Variants in SYT14 observed in about 807,000 individuals in gnomAD.
The protein encoded by SYT14 is synaptotagmin 14.
In SYT14, 32 loss-of-function variants were observed where a neutral mutation model predicts 74.2. That is an observed-to-expected ratio of 0.43 (90% CI 0.33 to 0.58). The LOEUF (loss-of-function observed/expected upper bound fraction) is 0.58, where lower values mean the gene tolerates loss of function less well. Among genes scored for constraint, SYT14 ranks in the 20% least tolerant of loss-of-function variants. The probability of loss-of-function intolerance (pLI) is 0.05; values close to 1 mark genes in which losing one functional copy is unlikely to be tolerated. For synonymous variants in SYT14, 298 were observed against 337.7 expected (o/e 0.88, Z 1.29); for missense variants, 791 against 981.8 (o/e 0.81, Z 2.60).
At chr1:209,987,768 C>G (rs1466128892) in intron 2 of SYT14, among the ~76,000 whole-genome samples, 1 of 152,162 alleles carries the variant, frequency 6.6e-6, no homozygotes, top group Non-Finnish European at 1.5e-5. Flanking sequence ...GGCTTTTATT[C>G]TTTCAATACT....
chr1:210,154,722 T>C (rs762810680), intron 7 of SYT14, among the ~76,000 whole-genome samples: 5 of 152,288 alleles, frequency 3.3e-5, no homozygotes, highest in Non-Finnish European at 7.4e-5. Context: ...CCAAAAAATA[T>C]AGATATTTTA....
chr1:209,995,360 G>A (rs1171650652), intron 2 of SYT14, among the ~76,000 whole-genome samples: 1 of 152,062 alleles, frequency 6.6e-6, no homozygotes, highest in Non-Finnish European at 1.5e-5. Flanking sequence ...TAAAACATAT[G>A]TTAAGCCAAT....
intron 4 of SYT14, among the ~76,000 whole-genome samples, chr1:210,019,931 T>TA (rs896571950): frequency 5.9e-5 from 9 of 152,210 alleles, no homozygotes; most frequent in African/African-American, 1.9e-4. Context: ...ATAAAAAATT[T>TA]AGACCTCCTG....
intron 2 of SYT14, among the ~76,000 whole-genome samples, chr1:209,983,611 G>A (rs1486440644): frequency 1.3e-5 from 2 of 152,224 alleles, no homozygotes; most frequent in East Asian, 1.9e-4. Flanking sequence ...TTCTTTGTGT[G>A]TGTGTGTGTT....
chr1:210,081,921 A>T (rs1208981414), intron 5 of SYT14, among the ~76,000 whole-genome samples: 1 of 152,212 alleles, frequency 6.6e-6, no homozygotes, highest in African/African-American at 2.4e-5. Context: ...AATATGATTA[A>T]GCATAGGAAT....
At chr1:210,152,140 C>G (rs1158978135) in intron 7 of SYT14, among the ~76,000 whole-genome samples, 1 of 152,112 alleles carries the variant, frequency 6.6e-6, no homozygotes, top group South Asian at 2.1e-4. Context: ...ATTGTTTTCT[C>G]CAACTGTCAT....
At chr1:209,979,813 C>T (rs910740923) in intron 2 of SYT14, among the ~76,000 whole-genome samples, 6 of 152,190 alleles carry the variant, frequency 3.9e-5, no homozygotes, top group Admixed American at 1.3e-4. Context: ...CATGGTATTC[C>T]GTGGTGTATA....
chr1:210,071,701 G>T (rs1204609583), intron 5 of SYT14, among the ~76,000 whole-genome samples: 4 of 151,986 alleles, frequency 2.6e-5, no homozygotes, highest in Non-Finnish European at 5.9e-5. Flanking sequence ...AGTGAAGAAA[G>T]ATTTGGTTGC....
chr1:210,065,710 A>G (rs1457515446), intron 5 of SYT14, among the ~76,000 whole-genome samples: 1 of 151,996 alleles, frequency 6.6e-6, no homozygotes, highest in Non-Finnish European at 1.5e-5. Context: ...GTAAATATAC[A>G]TTTGAAATAC....
chr1:209,975,466 A>C (rs2079343431), intron 2 of SYT14, among the ~76,000 whole-genome samples: 1 of 152,186 alleles, frequency 6.6e-6, no homozygotes, highest in Non-Finnish European at 1.5e-5. Flanking sequence ...TGAGATAATC[A>C]TGTGGTTTTT....
At chr1:210,033,362 A>G (rs1251454478) in intron 5 of SYT14, among the ~76,000 whole-genome samples, 7 of 151,764 alleles carry the variant, frequency 4.6e-5, no homozygotes, top group Admixed American at 4.6e-4. Flanking sequence ...TTTTGGGTGA[A>G]ATGGAATTGA....
At chr1:210,001,387 T>G (rs1261522999) in intron 2 of SYT14, among the ~76,000 whole-genome samples, 5 of 152,164 alleles carry the variant, frequency 3.3e-5, no homozygotes, top group Non-Finnish European at 7.4e-5. Context: ...GTTACATTAT[T>G]TTTACATAGT....
chr1:210,043,218 A>G (rs377124943), intron 5 of SYT14, among the ~76,000 whole-genome samples: 4 of 152,188 alleles, frequency 2.6e-5, no homozygotes, highest in African/African-American at 7.2e-5. Flanking sequence ...ATTTGATCCA[A>G]TACAAAGCAT....
At chr1:210,161,998 T>A (rs1387443811) in exon 10 of SYT14, 5 of 453,712 alleles carry the variant, frequency 1.1e-5, no homozygotes, top group Admixed American at 2.4e-5. Flanking sequence ...CTGCTCTGAG[T>A]ATTTAGTAAC....
intron 2 of SYT14, among the ~76,000 whole-genome samples, chr1:209,993,666 G>T (rs1270857905): frequency 6.6e-6 from 1 of 152,110 alleles, no homozygotes; most frequent in African/African-American, 2.4e-5. Flanking sequence ...CTGGCAGCCC[G>T]GAACACCTAA....
chr1:210,046,059 A>C (rs2080878173), intron 5 of SYT14, among the ~76,000 whole-genome samples: 1 of 152,096 alleles, frequency 6.6e-6, no homozygotes, highest in Non-Finnish European at 1.5e-5. Flanking sequence ...TGCTTTATGG[A>C]GTTATGTTTT....
At chr1:209,938,239 T>C in exon 1 of SYT14, 2 of 1,541,710 alleles carry the variant, frequency 1.3e-6, no homozygotes, top group African/African-American at 1.4e-5. Context: ...CGCCATCCAG[T>C]TGGTGCGGTC....
intron 6 of SYT14, among the ~76,000 whole-genome samples, chr1:210,095,351 C>T (rs775725248): frequency 6.6e-6 from 1 of 152,174 alleles, no homozygotes; most frequent in Non-Finnish European, 1.5e-5. Flanking sequence ...TCACAGCTCA[C>T]TGCAGCTTCC....
chr1:210,151,513 C>CT (rs1553289498), intron 7 of SYT14, among the ~76,000 whole-genome samples: 4,731 of 131,290 alleles, frequency 0.036, 314 homozygotes, highest in African/African-American at 0.12. Flanking sequence ...TGCCCCCCCC[C>CT]TTTTTTTTTT....
Sources: allele counts gnomAD v4.1 joint callset (sites outside exome capture counted in the v4.1 genomes callset), GRCh38; gene constraint gnomAD v4.1.1; transcripts MANE v1.5; gene names NCBI Gene and HGNC (gene_info 2026-07-23, HGNC 2026-07-21).